Variants in FAM171A1 observed in about 807,000 individuals in gnomAD.
FAM171A1 encodes the protein family with sequence similarity 171 member A1, also known as protein FAM171A1.
Under a neutral mutation model 74.9 loss-of-function variants are expected in FAM171A1, and 23 were observed. The observed-to-expected ratio is 0.31, with a 90% CI of 0.22 to 0.44. FAM171A1 has a LOEUF of 0.44. Among genes scored for constraint, FAM171A1 ranks in the 20% least tolerant of loss-of-function variants. The pLI is 1.00. For missense variants in FAM171A1, 1,162 were observed against 1,159.2 expected, an observed-to-expected ratio of 1.00 and a Z score of -0.03; for synonymous variants, 527 against 505.7, an observed-to-expected ratio of 1.04 and a Z score of -0.57.
intron 1 of FAM171A1, among the ~76,000 whole-genome samples, chr10:15,331,187 C>T (rs1219252099): frequency 6.6e-6 from 1 of 152,194 alleles, no homozygotes; most frequent in African/African-American, 2.4e-5. Flanking sequence ...CCGCACCCGG[C>T]CTACAGCATG....
chr10:15,307,037 C>A (rs185803620), intron 1 of FAM171A1, among the ~76,000 whole-genome samples: 1 of 152,208 alleles, frequency 6.6e-6, no homozygotes, highest in African/African-American at 2.4e-5. Flanking sequence ...TATCCACTTA[C>A]ATCCAGGGTA....
chr10:15,354,400 C>A lies in FAM171A1; in HGVS notation c.97+16556G>T, dbSNP rs114564268. On this transcript the variant is annotated intron_variant, in intron 1 of 7. Transcript: ENST00000378116. ...AGTCTCAGCTATTCAGAAGGCTGAG[C>A]CAGGAGAACTGCTTGAACCCGGGAA... Among the ~76,000 whole-genome samples the A allele has an allele frequency of 2.4e-3, 368 of 152,034 alleles. 4 individuals carry two copies. Among genetic ancestry groups the A allele is most frequent in the East Asian group, 0.012 (64 of 5,156 alleles).
At chr10:15,374,499 A>G (rs1247445209), upstream of FAM171A1, among the ~76,000 whole-genome samples, 1 of 152,240 alleles carries the variant, frequency 6.6e-6, no homozygotes, top group Non-Finnish European at 1.5e-5. Flanking sequence ...AATAAAAAAT[A>G]TGATTTACCT....
chr10:15,290,907 TGTTTA>T (rs1173840043), intron 1 of FAM171A1, among the ~76,000 whole-genome samples: 2 of 152,132 alleles, frequency 1.3e-5, no homozygotes, highest in Non-Finnish European at 2.9e-5. Flanking sequence ...CGTTTTGTTT[TGTTTA>T]GAGTCTTAGC....
At chr10:15,229,516 T>C (rs980761207) in intron 5 of FAM171A1, among the ~76,000 whole-genome samples, 1 of 139,478 alleles carries the variant, frequency 7.2e-6, no homozygotes, top group African/African-American at 2.8e-5. Context: ...ATCATCACCA[T>C]TGTCACCCCC....
chr10:15,330,324 C>A (rs1157175474), intron 1 of FAM171A1, among the ~76,000 whole-genome samples: 1 of 152,012 alleles, frequency 6.6e-6, no homozygotes, highest in Non-Finnish European at 1.5e-5. Flanking sequence ...GGGCAACAGA[C>A]CAAGACTTTT....
chr10:15,341,471 T>C (rs568305365), intron 1 of FAM171A1, among the ~76,000 whole-genome samples: 1 of 152,348 alleles, frequency 6.6e-6, no homozygotes, highest in Non-Finnish European at 1.5e-5. Flanking sequence ...CTCCCCGCAA[T>C]TGCTGGCAAT....
chr10:15,246,945 C>A (rs1277508720), intron 5 of FAM171A1, among the ~76,000 whole-genome samples: 1 of 152,196 alleles, frequency 6.6e-6, no homozygotes, highest in Non-Finnish European at 1.5e-5. Context: ...GAGTGCAAAC[C>A]AATACAACTG....
At chr10:15,307,188 C>T (rs1419262677) in intron 1 of FAM171A1, among the ~76,000 whole-genome samples, 3 of 152,258 alleles carry the variant, frequency 2.0e-5, no homozygotes, top group Admixed American at 2.0e-4. Context: ...TCTGCACAAA[C>T]CCTGCAAATT....
At chr10:15,223,576 G>A (rs963095812) in intron 5 of FAM171A1, among the ~76,000 whole-genome samples, 4 of 152,112 alleles carry the variant, frequency 2.6e-5, no homozygotes, top group Non-Finnish European at 5.9e-5. Flanking sequence ...TAAAACACAC[G>A]ATAACCAATT....
At chr10:15,263,896 TATCTATCTATCC>T (rs1834702078) in intron 3 of FAM171A1, among the ~76,000 whole-genome samples, 1 of 116,878 alleles carries the variant, frequency 8.6e-6, no homozygotes. Flanking sequence ...TCTATCTATC[TATCTATCTATCC>T]GTCCATCCTT....
At chr10:15,270,054 G>C (rs183741586) in intron 3 of FAM171A1, among the ~76,000 whole-genome samples, 3 of 152,304 alleles carry the variant, frequency 2.0e-5, no homozygotes, top group Admixed American at 2.0e-4. Context: ...CGGACAGTAG[G>C]TGCAGCCCAC....
At chr10:15,260,214 CCTCTTCTATGTAGT>C (rs774306278) in intron 3 of FAM171A1, among the ~76,000 whole-genome samples, 28 of 152,158 alleles carry the variant, frequency 1.8e-4, no homozygotes, top group Admixed American at 5.9e-4. Flanking sequence ...TCAAAAGCCA[CCTCTTCTATGTAGT>C]CTGTTAATCC....
chr10:15,340,088 C>T (rs1009030065), intron 1 of FAM171A1, among the ~76,000 whole-genome samples: 9 of 152,070 alleles, frequency 5.9e-5, no homozygotes, highest in Admixed American at 1.3e-4. Context: ...ATTGGGTAGG[C>T]GGGGGCACAG....
intron 1 of FAM171A1, among the ~76,000 whole-genome samples, chr10:15,289,305 G>A (rs764984136): frequency 6.6e-5 from 10 of 151,976 alleles, no homozygotes; most frequent in Admixed American, 2.6e-4. Flanking sequence ...CCCCATAAAC[G>A]GTCCCAGACC....
At chr10:15,293,558 T>A (rs143542022) in intron 1 of FAM171A1, among the ~76,000 whole-genome samples, 268 of 6,290 alleles carry the variant, frequency 0.043, no homozygotes, top group African/African-American at 0.097. Context: ...AAAAAAAAAA[T>A]ATATATATAT....
At chr10:15,266,658 G>C (rs1371576855) in intron 3 of FAM171A1, among the ~76,000 whole-genome samples, 2 of 152,050 alleles carry the variant, frequency 1.3e-5, no homozygotes, top group African/African-American at 4.8e-5. Flanking sequence ...TTGAGGTCAG[G>C]AGTTCGAGAC....
intron 1 of FAM171A1, among the ~76,000 whole-genome samples, chr10:15,342,427 G>C (rs1202088176): frequency 6.6e-6 from 1 of 152,134 alleles, no homozygotes; most frequent in African/African-American, 2.4e-5. Flanking sequence ...AAAATTAGCT[G>C]GGTGTGGTAG....
rs1162684443 is a variant in FAM171A1 at position 15,214,481 on chromosome 10, T to C, written c.1107A>G (p.Arg369=). The change falls in exon 8 of 8, where the codon CGA becomes CGG. Residue 369 remains arginine, a synonymous_variant. Transcript: ENST00000378116. ...ACAGCGGGCCAGGGAATTCTGACGCTCGGCGTGAAAACAGCAAGTTAATGT... is the reference window on the plus strand; with the variant it reads ...ACAGCGGGCCAGGGAATTCTGACGCCCGGCGTGAAAACAGCAAGTTAATGT... ...MSHINLLFSR[R]ASEFPGPLSV... is the part of the protein sequence containing the mutation. The C allele has an allele frequency of 6.2e-7, 1 of 1,614,180 alleles. No individual in the cohort carries two copies. The highest frequency in any genetic ancestry group is 1.6e-4 in the Middle Eastern group (1 of 6,062).
Sources: allele counts gnomAD v4.1 joint callset (sites outside exome capture counted in the v4.1 genomes callset), GRCh38; gene constraint gnomAD v4.1.1; transcripts MANE v1.5; gene names NCBI Gene and HGNC (gene_info 2026-07-23, HGNC 2026-07-21).